Variants in XKR9 observed in about 807,000 individuals in gnomAD.
The protein encoded by XKR9 is XK-related protein 9.
A neutral mutation model predicts 32.0 loss-of-function variants in XKR9; 32 were observed. That is an observed-to-expected ratio of 1.00 (90% CI 0.76 to 1.34). The LOEUF (loss-of-function observed/expected upper bound fraction) is 1.34. Among genes scored for constraint, XKR9 ranks in the 40% most tolerant of loss-of-function variants. XKR9 has a pLI of 0.00. For missense variants in XKR9, 546 were observed against 429.7 expected (o/e 1.27, Z -2.39); for synonymous variants, 168 against 143.4 (o/e 1.17, Z -1.22).
the XKR9 span, among the ~76,000 whole-genome samples, chr8:70,847,465 A>G: frequency 3.9e-5 from 6 of 152,100 alleles, no homozygotes; most frequent in South Asian, 1.2e-3. Context: ...AATAAGAAGG[A>G]AAGAAATAAT....
At chr8:70,980,988 G>T in the XKR9 span, among the ~76,000 whole-genome samples, 2 of 152,136 alleles carry the variant, frequency 1.3e-5, no homozygotes, top group African/African-American at 4.8e-5. Flanking sequence ...TAGCTTGTAG[G>T]GTTTCTGCTG....
At chr8:70,714,912 C>A (rs1806039596) in intron 4 of XKR9, among the ~76,000 whole-genome samples, 1 of 151,822 alleles carries the variant, frequency 6.6e-6, no homozygotes, top group Non-Finnish European at 1.5e-5. Context: ...GAGGAAAAGG[C>A]ATAACAAAGG....
chr8:70,969,632 C>T, the XKR9 span, among the ~76,000 whole-genome samples: 1 of 152,298 alleles, frequency 6.6e-6, no homozygotes, highest in Admixed American at 6.5e-5. Flanking sequence ...CCCTTTCCCT[C>T]ATTTTTCCAT....
the XKR9 span, among the ~76,000 whole-genome samples, chr8:70,868,631 G>C: frequency 2.0e-5 from 3 of 152,208 alleles, no homozygotes; most frequent in South Asian, 6.2e-4. Flanking sequence ...CTAGTCCTTT[G>C]AGGCTGTGAT....
the XKR9 span, among the ~76,000 whole-genome samples, chr8:70,904,736 C>T: frequency 3.3e-5 from 5 of 152,106 alleles, no homozygotes; most frequent in Non-Finnish European, 5.9e-5. Flanking sequence ...TACATTTTGG[C>T]ATGTTTTTGG....
At chr8:70,806,381 T>C in the XKR9 span, among the ~76,000 whole-genome samples, 1 of 152,066 alleles carries the variant, frequency 6.6e-6, no homozygotes, top group Non-Finnish European at 1.5e-5. Flanking sequence ...TTGCAACATT[T>C]CTCCAGCAAA....
chr8:70,724,271 A>T (rs1473678896), intron 4 of XKR9, among the ~76,000 whole-genome samples: 1 of 152,072 alleles, frequency 6.6e-6, no homozygotes, highest in Non-Finnish European at 1.5e-5. Context: ...TCAGACTGCT[A>T]TGCTGGCAGC....
chr8:70,946,145 A>G, the XKR9 span, among the ~76,000 whole-genome samples: 2 of 152,126 alleles, frequency 1.3e-5, no homozygotes, highest in Admixed American at 1.3e-4. Context: ...AAAAAGAAAA[A>G]AGAAAAACAG....
chr8:70,842,531 C>G, the XKR9 span, among the ~76,000 whole-genome samples: 1 of 139,070 alleles, frequency 7.2e-6, no homozygotes, highest in Non-Finnish European at 1.5e-5. Flanking sequence ...CACACACATC[C>G]CTTTACATCA....
chr8:70,958,519 T>C, the XKR9 span, among the ~76,000 whole-genome samples: 1 of 152,248 alleles, frequency 6.6e-6, no homozygotes, highest in Non-Finnish European at 1.5e-5. Context: ...ACGTGTCTGC[T>C]CATGTCCTTT....
At chr8:70,846,750 C>T in the XKR9 span, among the ~76,000 whole-genome samples, 247 of 151,964 alleles carry the variant, frequency 1.6e-3, 1 homozygote, top group African/African-American at 5.6e-3. Context: ...ACCAATAAAA[C>T]AGAATTTAAA....
chr8:70,710,768 A>G (rs1386905009), intron 4 of XKR9, among the ~76,000 whole-genome samples: 2 of 152,076 alleles, frequency 1.3e-5, no homozygotes, highest in African/African-American at 4.8e-5. Context: ...GCAACAAAAA[A>G]AAAGTTGACA....
At chr8:70,768,752 CTTT>C (rs34429338) in intron 2 of XKR9, among the ~76,000 whole-genome samples, 102 of 144,124 alleles carry the variant, frequency 7.1e-4, no homozygotes, top group Admixed American at 9.0e-4. Context: ...GAAACCCCTG[CTTT>C]TTTTTTTTTT....
At chr8:71,025,771 C>A in the XKR9 span, among the ~76,000 whole-genome samples, 1 of 152,200 alleles carries the variant, frequency 6.6e-6, no homozygotes, top group Non-Finnish European at 1.5e-5. Context: ...TTCTGTTCTA[C>A]TAAAGGAAGT....
chr8:70,879,317 TGAAA>T, the XKR9 span, among the ~76,000 whole-genome samples: 2 of 151,828 alleles, frequency 1.3e-5, no homozygotes, highest in African/African-American at 4.8e-5. Flanking sequence ...AGAGCAGAAC[TGAAA>T]GAGATAGAGA....
Position 70,680,870 on chromosome 8 carries a change from A to C in XKR9, c.-189A>C. On this transcript the variant is annotated 5_prime_UTR_variant, in exon 3 of 5. Coordinates refer to ENST00000408926, the MANE Select transcript of XKR9 (RefSeq NM_001011720.2). ...ACCTAGATTAGAGATTTAGAAAAGAAAGTCAAAATTAGTCACTTTAGTGTT... is the reference window on the plus strand; with the variant it reads ...ACCTAGATTAGAGATTTAGAAAAGACAGTCAAAATTAGTCACTTTAGTGTT... 1 of 478,326 alleles carries C rather than the reference A, an allele frequency of 2.1e-6. No individual in the cohort carries two copies. Among genetic ancestry groups the C allele is most frequent in the Non-Finnish European group, 3.6e-6 (1 of 276,648 alleles). The allele number at this position is 478,326 out of a possible 1,614,324, so 29.6% of individuals were successfully genotyped here. A position where few individuals can be genotyped will look rare whatever the true frequency, so the allele number is the denominator to read the frequency against.
the XKR9 span, among the ~76,000 whole-genome samples, chr8:70,944,008 T>G: frequency 6.6e-6 from 1 of 152,128 alleles, no homozygotes; most frequent in Non-Finnish European, 1.5e-5. Context: ...AAATAAAAAA[T>G]GCTTAATTTT....
chr8:70,837,015 C>A, the XKR9 span, among the ~76,000 whole-genome samples: 1 of 152,056 alleles, frequency 6.6e-6, no homozygotes, highest in Non-Finnish European at 1.5e-5. Flanking sequence ...CCACAGTGGT[C>A]AAGGCCACAG....
the XKR9 span, among the ~76,000 whole-genome samples, chr8:70,851,635 T>C: frequency 6.6e-6 from 1 of 152,128 alleles, no homozygotes; most frequent in Non-Finnish European, 1.5e-5. Flanking sequence ...ACAACACATC[T>C]ACAACCATCT....
Sources: gnomAD v4.1 joint callset for allele counts (sites outside exome capture counted in the v4.1 genomes callset) on GRCh38, gnomAD v4.1.1 for gene constraint, MANE v1.5 for transcripts, NCBI Gene and HGNC (gene_info 2026-07-23, HGNC 2026-07-21) for gene names.